Variants in GHITM observed in about 807,000 individuals in gnomAD.
GHITM encodes growth hormone inducible transmembrane protein, also known as growth hormone-inducible transmembrane protein.
GHITM carries 24 observed loss-of-function variants against 38.7 expected under a neutral mutation model. The observed-to-expected ratio is 0.62, with a 90% CI of 0.45 to 0.87. The LOEUF (loss-of-function observed/expected upper bound fraction) is 0.87, where lower values mean the gene tolerates loss of function less well. Ranked by LOEUF, GHITM falls within the 40% of genes least tolerant of loss-of-function variation. GHITM has a pLI of 0.00. For missense variants in GHITM, 420 were observed against 429.8 expected (o/e 0.98, Z 0.20); for synonymous variants, 154 against 147.8 (o/e 1.04, Z -0.30).
intron 4 of GHITM, 63 bp from the exon 5 acceptor site, chr10:84,144,812 G>T: frequency 1.7e-6 from 2 of 1,192,200 alleles, no homozygotes; most frequent in South Asian, 3.0e-5. Context: ...CCCAGCTAGT[G>T]TGTGACTCAA....
chr10:84,150,350 A>G (rs538801974), intron 7 of GHITM, 107 bp downstream of exon 7: 331 of 922,134 alleles, frequency 3.6e-4, no homozygotes, highest in Non-Finnish European at 4.5e-4. Flanking sequence ...AGTTTTTTTA[A>G]AGATTTATGC....
rs896909674 is a variant in GHITM at position 84,139,551 on chromosome 10, G to C, written c.-82G>C. The C allele has an allele frequency of 5.3e-5, 8 of 152,334 alleles. No homozygotes were observed. Among genetic ancestry groups the C allele is most frequent in the African/African-American group, 1.9e-4 (8 of 41,474 alleles). 9.4% of individuals were successfully genotyped at this position (152,334 alleles called of 1,614,324 possible). ...GTGCTCTTTGAGGCCGACGCTAGGG[G>C]CCCGGAAGGGAAACTGCGAGGCGAA... On this transcript the variant is annotated 5_prime_UTR_variant, in exon 1 of 9. Transcript: ENST00000372134.
At chr10:84,147,623 T>G (rs536500859) in intron 5 of GHITM, among the ~76,000 whole-genome samples, 3,447 of 128,608 alleles carry the variant, frequency 0.027, 63 homozygotes, top group Non-Finnish European at 0.046. Context: ...GTTCTTTTTT[T>G]TTGTTTGTTT....
chr10:84,150,738 G>T lies in GHITM; in HGVS notation c.811G>T (p.Ala271Ser). The change falls in exon 8 of 9, where the codon GCT becomes TCT. Residue 271 changes from alanine to serine, a missense_variant. Coordinates refer to ENST00000372134, the MANE Select transcript of GHITM (RefSeq NM_014394.3). ...TATGTTTCTTCCACCTACCACCGTG[G>T]CTGGTGCCACTCTTTACTCAGTGGC... ...GSMFLPPTTV[A>S]GATLYSVAMY... The T allele has an allele frequency of 6.2e-7, 1 of 1,610,144 alleles. No individual in the cohort carries two copies. The highest frequency in any genetic ancestry group is 1.3e-5 in the African/African-American group (1 of 74,950).
At position 84,152,430 on chromosome 10, in the gene GHITM, A is replaced by C; in HGVS notation, c.*82A>C. The C allele has an allele frequency of 1.4e-6, 1 of 701,528 alleles. No homozygotes were observed. The highest frequency in any genetic ancestry group is 1.9e-5 in the South Asian group (1 of 52,374). The allele number at this position is 701,528 out of a possible 1,614,324, so 43.5% of individuals were successfully genotyped here. A position where few individuals can be genotyped will look rare whatever the true frequency, so the allele number is the denominator to read the frequency against. The stretch of plus-strand genomic sequence containing the variant: ...TATGCATTAAATAGTTTGTACAAGC[A>C]GCTTTCGTTGAAGTTTAGAAGATAA... On this transcript the variant is annotated 3_prime_UTR_variant, in exon 9 of 9. Transcript: ENST00000372134.
chr10:84,148,615 C>A, intron 5 of GHITM, 115 bp from the exon 6 acceptor site: 2 of 695,314 alleles, frequency 2.9e-6, no homozygotes, highest in Non-Finnish European at 5.1e-6. Flanking sequence ...GATTTATTAT[C>A]TTTAATATTT....
At position 84,150,851 on chromosome 10, in the gene GHITM, T is replaced by C. The variant is rs1188860298; in HGVS notation, c.924T>C (p.Tyr308=). 6.2e-7 allele frequency: 1 copy of C among 1,609,954 alleles called. No homozygotes were observed. Among genetic ancestry groups the C allele is most frequent in the South Asian group, 1.1e-5 (1 of 90,970 alleles). ...AGCGTGCAGAAGTATCACCAATGTA[T>C]GGAGTTCAAAAATATGATCCCATTA... ...VIKRAEVSPM[Y]GVQKYDPINS... is the part of the protein sequence containing the mutation. The change falls in exon 8 of 9, where the codon TAT becomes TAC. Residue 308 remains tyrosine (Y), a synonymous_variant. Coordinates refer to ENST00000372134, the MANE Select transcript of GHITM (RefSeq NM_014394.3).
chr10:84,149,598 G>T (rs1366703042), intron 6 of GHITM, among the ~76,000 whole-genome samples: 1 of 151,974 alleles, frequency 6.6e-6, no homozygotes, highest in East Asian at 1.9e-4. Context: ...TAAGCTGTTA[G>T]CAGTCCTTAT....
rs537288806 is a variant in GHITM at position 84,141,991 on chromosome 10, T to G, written c.129+362T>G. Among the ~76,000 whole-genome samples, 4 of 152,316 alleles carry G rather than the reference T, an allele frequency of 2.6e-5. 1 individual carries two copies. The South Asian group carries it at 8.3e-4, about 32-fold the overall frequency. Reference sequence around the variant, plus strand: ...AGTTGGCCAATAGCTTATTAATAAATTACTAAATATATTATCTCTTATTTA... The same window carrying G: ...AGTTGGCCAATAGCTTATTAATAAAGTACTAAATATATTATCTCTTATTTA... On this transcript the variant is annotated intron_variant, in intron 2 of 8. Coordinates refer to ENST00000372134, the MANE Select transcript of GHITM (RefSeq NM_014394.3).
intron 4 of GHITM, 100 bp downstream of exon 4, chr10:84,144,206 G>A (rs540495815): frequency 1.4e-6 from 1 of 727,784 alleles, no homozygotes; most frequent in East Asian, 2.5e-5. Context: ...ACTTTGGAAT[G>A]TTTTGTGTCT....
At position 84,150,076 on chromosome 10, in the gene GHITM, C is replaced by T. The variant is rs748313060; in HGVS notation, c.614C>T (p.Ala205Val). The change falls in exon 7 of 9, where the codon GCT (alanine) becomes GTT (valine). Residue 205 changes from alanine (A) to valine (V), a missense_variant. Coordinates refer to ENST00000372134, the MANE Select transcript of GHITM (RefSeq NM_014394.3). ...CCAGGTGTGATGGGTGCAGTGGTGG[C>T]TCCTCTGACAATATTAGGGGGTCCT... ...LHSGVMGAVV[A>V]PLTILGGPLL... 54 of 1,598,122 alleles carry T rather than the reference C, an allele frequency of 3.4e-5. No homozygotes were observed. Among genetic ancestry groups the T allele is most frequent in the Non-Finnish European group, 4.2e-5 (49 of 1,169,872 alleles).
At position 84,150,803 on chromosome 10, in the gene GHITM, G is replaced by A. The variant is rs369199203; in HGVS notation, c.876G>A (p.Leu292=). 3 of 1,612,456 alleles carry A rather than the reference G, an allele frequency of 1.9e-6. No individual in the cohort carries two copies. Among genetic ancestry groups the A allele is most frequent in the African/African-American group, 2.7e-5 (2 of 74,900 alleles). ...GGLVLFSMFL[L]YDTQKVIKRA... ...TAGTTCTTTTCAGCATGTTCCTTCTGTATGATACCCAGAAAGTAATCAAGC... is the reference window on the plus strand; with the variant it reads ...TAGTTCTTTTCAGCATGTTCCTTCTATATGATACCCAGAAAGTAATCAAGC... The change falls in exon 8 of 9, where the codon CTG becomes CTA. Residue 292 remains leucine, a synonymous_variant. Coordinates refer to ENST00000372134, the MANE Select transcript of GHITM (RefSeq NM_014394.3).
Position 84,145,090 on chromosome 10 carries a change from G to T in GHITM, c.483+74G>T, listed in dbSNP as rs1427576719. On this transcript the variant is annotated intron_variant, in intron 5 of 8. Transcript: ENST00000372134. ...TAGATAAAATATATTGGAGGGAAGGGTTATTAAATGGAAAGAATACTGTAT... is the reference window on the plus strand; with the variant it reads ...TAGATAAAATATATTGGAGGGAAGGTTTATTAAATGGAAAGAATACTGTAT... 12 of 1,167,986 alleles carry T rather than the reference G, an allele frequency of 1.0e-5. No homozygotes were observed. In the East Asian group the frequency reaches 1.3e-4, roughly 12 times the overall value. The allele number at this position is 1,167,986 out of a possible 1,614,324, so 72.4% of individuals were successfully genotyped here. A position where few individuals can be genotyped will look rare whatever the true frequency, so the allele number is the denominator to read the frequency against.
chr10:84,146,931 G>A (rs182114657), intron 5 of GHITM, among the ~76,000 whole-genome samples: 13 of 152,314 alleles, frequency 8.5e-5, no homozygotes, highest in Admixed American at 6.5e-4. Context: ...GTGCATCTGA[G>A]GAGAGGTATC....
rs916062246 is a variant in GHITM at position 84,147,982 on chromosome 10, A to T, written c.484-748A>T. On this transcript the variant is annotated intron_variant, in intron 5 of 8. Coordinates refer to ENST00000372134, the MANE Select transcript of GHITM (RefSeq NM_014394.3). ...TGATGTGCTATATATATTTTTTTTA[A>T]AAATTACTAATTTGTAAGCATCACT... is the stretch of plus-strand genomic sequence containing the variant. Among the ~76,000 whole-genome samples, 3 of 152,088 alleles carry T rather than the reference A, an allele frequency of 2.0e-5. No individual in the cohort carries two copies. In the East Asian group the frequency reaches 5.8e-4, roughly 29 times the overall value.
chr10:84,149,129 C>T (rs1053168665), intron 6 of GHITM, among the ~76,000 whole-genome samples: 2 of 152,024 alleles, frequency 1.3e-5, no homozygotes, highest in Non-Finnish European at 2.9e-5. Flanking sequence ...ATCTAGTACG[C>T]ATCATTTGAG....
At chr10:84,151,657 T>A (rs1201344222) in intron 8 of GHITM, among the ~76,000 whole-genome samples, 1 of 152,214 alleles carries the variant, frequency 6.6e-6, no homozygotes, top group Non-Finnish European at 1.5e-5. Context: ...TTCAGAGATA[T>A]GCAACTTTAG....
At chr10:84,150,662 G>T (rs184570506) in intron 7 of GHITM, 47 bp from the exon 8 acceptor site, 3 of 1,467,156 alleles carry the variant, frequency 2.0e-6, no homozygotes, top group Non-Finnish European at 1.9e-6. Context: ...CTCAGTTATC[G>T]GAAATCCTTT....
rs1424546258 is a variant in GHITM, at chr10:84,150,817, A to G, written c.890A>G (p.Lys297Arg). The G allele has an allele frequency of 6.2e-7, 1 of 1,612,026 alleles. No homozygotes were observed. The highest frequency in any genetic ancestry group is 1.7e-5 in the Admixed American group (1 of 60,006). Residue 297 changes from lysine to arginine, a missense_variant, in exon 8 of 9, where the codon AAA (lysine) becomes AGA (arginine). Transcript: ENST00000372134. ...FSMFLLYDTQ[K>R]VIKRAEVSPM... ...ATGTTCCTTCTGTATGATACCCAGA[A>G]AGTAATCAAGCGTGCAGAAGTATCA... is the stretch of plus-strand genomic sequence containing the variant.
Sources: gnomAD v4.1 joint callset for allele counts (sites outside exome capture counted in the v4.1 genomes callset) on GRCh38, gnomAD v4.1.1 for gene constraint, MANE v1.5 for transcripts, NCBI Gene and HGNC (gene_info 2026-07-23, HGNC 2026-07-21) for gene names.